The following TAF4B variants were observed in gnomAD, a reference collection of about 807,000 sequenced individuals.
TAF4B encodes the protein transcription initiation factor TFIID subunit 4B.
Under a neutral mutation model 86.4 loss-of-function variants are expected in TAF4B, and 38 were observed. The observed-to-expected ratio is 0.44, with a 90% CI of 0.34 to 0.58. The LOEUF (loss-of-function observed/expected upper bound fraction) is 0.58, where lower values mean the gene tolerates loss of function less well. Among genes scored for constraint, TAF4B ranks in the 20% least tolerant of loss-of-function variants. The pLI is 0.02. For synonymous variants in TAF4B, 388 were observed against 391.2 expected (o/e 0.99, Z 0.10); for missense variants, 988 against 1,027.6 (o/e 0.96, Z 0.53).
At position 26,227,086 on chromosome 18, in the gene TAF4B, C is replaced by G. The variant is rs1202484973; in HGVS notation, c.153C>G (p.Ser51Arg). The G allele has an allele frequency of 6.2e-7, 1 of 1,608,952 alleles. No homozygotes were observed. Among genetic ancestry groups the G allele is most frequent in the Non-Finnish European group, 8.5e-7 (1 of 1,178,530 alleles). The change falls in exon 1 of 15, where the codon AGC becomes AGG. Residue 51 changes from serine (S) to arginine (R), a missense_variant. Physicochemically the swap from Ser to Arg is moderately radical, Grantham distance 110 (BLOSUM62 -1). Coordinates refer to ENST00000269142, the MANE Select transcript of TAF4B (RefSeq NM_005640.3). ...GCGCCGTGACTAAGGCTCCTGTCAG[C>G]GTCTGCGTGGAGCCCACGGCGTCCC... ...ALGAVTKAPV[S>R]VCVEPTASQP...
intron 14 of TAF4B, among the ~76,000 whole-genome samples, chr18:26,384,485 A>G (rs1170651106): frequency 6.6e-6 from 1 of 152,200 alleles, no homozygotes; most frequent in African/African-American, 2.4e-5. Context: ...TCTACTTTGG[A>G]GCTTTAGGCA....
chr18:26,260,873 A>G (rs4363923), intron 1 of TAF4B, among the ~76,000 whole-genome samples: 16,793 of 152,190 alleles, frequency 0.11, 1,120 homozygotes, highest in Admixed American at 0.17. Flanking sequence ...GAACATACTT[A>G]TAATTGTTAC....
intron 12 of TAF4B, among the ~76,000 whole-genome samples, chr18:26,330,617 A>G (rs1182018938): frequency 6.6e-6 from 1 of 152,180 alleles, no homozygotes; most frequent in Admixed American, 6.5e-5. Flanking sequence ...GTATGTGTAT[A>G]TGTACACGTT....
At chr18:26,256,424 G>T in intron 1 of TAF4B, 1 of 886,122 alleles carries the variant, frequency 1.1e-6, no homozygotes, top group Non-Finnish European at 1.9e-6. Flanking sequence ...CCGAGGTGCA[G>T]AGTGCACGCC....
intron 14 of TAF4B, among the ~76,000 whole-genome samples, chr18:26,363,405 G>A (rs1449464549): frequency 2.7e-5 from 4 of 146,276 alleles, no homozygotes; most frequent in South Asian, 4.4e-4. Flanking sequence ...AAAAGGCAGC[G>A]CGTGGTGGTG....
At chr18:26,230,203 A>T (rs2055644307) in intron 1 of TAF4B, among the ~76,000 whole-genome samples, 1 of 152,194 alleles carries the variant, frequency 6.6e-6, no homozygotes, top group African/African-American at 2.4e-5. Flanking sequence ...ATAAGCAAGG[A>T]CTTGATTCCT....
intron 9 of TAF4B, among the ~76,000 whole-genome samples, chr18:26,295,552 G>T (rs1598770084): frequency 6.6e-6 from 1 of 152,214 alleles, no homozygotes; most frequent in Non-Finnish European, 1.5e-5. Context: ...AGGAGTTGGA[G>T]CTCAGGCAGT....
chr18:26,344,224 C>CAT (rs1444133197), intron 13 of TAF4B, among the ~76,000 whole-genome samples: 1 of 152,024 alleles, frequency 6.6e-6, no homozygotes, highest in African/African-American at 2.4e-5. Context: ...CAACTCACAT[C>CAT]ATAATCAATC....
At chr18:26,323,226 A>G (rs1297611417) in intron 11 of TAF4B, among the ~76,000 whole-genome samples, 1 of 152,156 alleles carries the variant, frequency 6.6e-6, no homozygotes, top group Non-Finnish European at 1.5e-5. Flanking sequence ...TAGATGTCTG[A>G]TAGATATAGT....
At chr18:26,383,373 A>G (rs1353712303) in intron 14 of TAF4B, among the ~76,000 whole-genome samples, 1 of 152,258 alleles carries the variant, frequency 6.6e-6, no homozygotes, top group Non-Finnish European at 1.5e-5. Context: ...TAGATGGCTT[A>G]GAAACTATTA....
At chr18:26,319,894 C>A (rs2056947640) in intron 10 of TAF4B, among the ~76,000 whole-genome samples, 1 of 152,072 alleles carries the variant, frequency 6.6e-6, no homozygotes, top group Non-Finnish European at 1.5e-5. Flanking sequence ...CTGGCCTATG[C>A]TGAGGGTTTT....
At chr18:26,358,890 A>T (rs2057309998) in intron 14 of TAF4B, among the ~76,000 whole-genome samples, 1 of 152,138 alleles carries the variant, frequency 6.6e-6, no homozygotes, top group Non-Finnish European at 1.5e-5. Flanking sequence ...ACCATTGTTG[A>T]TCCTGAACAT....
intron 14 of TAF4B, among the ~76,000 whole-genome samples, chr18:26,385,836 T>G (rs1978338441): frequency 6.6e-6 from 1 of 152,092 alleles, no homozygotes; most frequent in Non-Finnish European, 1.5e-5. Flanking sequence ...AAACTGATGG[T>G]GAAAAAGCAG....
chr18:26,297,310 C>T (rs920912834), intron 9 of TAF4B, among the ~76,000 whole-genome samples: 1 of 152,066 alleles, frequency 6.6e-6, no homozygotes, highest in East Asian at 1.9e-4. Context: ...CGAGAAAATT[C>T]GTTGGCACTG....
intron 6 of TAF4B, 21 bp from the exon 7 acceptor site, chr18:26,285,861 T>C: frequency 6.3e-7 from 1 of 1,587,010 alleles, no homozygotes; most frequent in South Asian, 1.2e-5. Context: ...AGTGTTTTTT[T>C]CCATTCCTCT....
At chr18:26,285,222 G>GTTTTTTTTGTTTTTTTTTTTTTTTTT (rs1555677504) in intron 6 of TAF4B, among the ~76,000 whole-genome samples, 21 of 45,660 alleles carry the variant, frequency 4.6e-4, no homozygotes, top group Non-Finnish European at 6.3e-4. Context: ...TTTTTTTTTT[G>GTTTTTTTTGTTTTTTTTTTTTTTTTT]TTTTTTTTTT....
intron 13 of TAF4B, among the ~76,000 whole-genome samples, chr18:26,350,411 C>G (rs1020464993): frequency 6.6e-6 from 1 of 152,150 alleles, no homozygotes; most frequent in Non-Finnish European, 1.5e-5. Context: ...ATGGCTTATG[C>G]CTATACTCTC....
chr18:26,256,250 C>T, intron 1 of TAF4B: 2 of 1,539,666 alleles, frequency 1.3e-6, no homozygotes, highest in Non-Finnish European at 1.8e-6. Flanking sequence ...TGTGGAAGTC[C>T]TTTTCATAGC....
At chr18:26,361,744 CA>C (rs112740348) in intron 14 of TAF4B, among the ~76,000 whole-genome samples, 910 of 78,014 alleles carry the variant, frequency 0.012, 4 homozygotes, top group African/African-American at 0.036. Flanking sequence ...GACTCCGTCT[CA>C]AAAAAAAAAA....
Sources: allele counts gnomAD v4.1 joint callset (sites outside exome capture counted in the v4.1 genomes callset), GRCh38; gene constraint gnomAD v4.1.1; transcripts MANE v1.5; gene names NCBI Gene and HGNC (gene_info 2026-07-23, HGNC 2026-07-21).